Variants in NPTN observed in about 807,000 individuals in gnomAD.
NPTN encodes SDR-1.
A neutral mutation model predicts 42.7 loss-of-function variants in NPTN; 5 were observed. That is an observed-to-expected ratio of 0.12 (90% CI 0.06 to 0.25). The LOEUF is 0.25. Ranked by LOEUF, NPTN falls within the 10% of genes least tolerant of loss-of-function variation. The pLI, the probability that NPTN is intolerant of heterozygous loss-of-function variation, is 1.00. For synonymous variants in NPTN, 180 were observed against 201.9 expected, an observed-to-expected ratio of 0.89 and a Z score of 0.92; for missense variants, 307 against 525.4, an observed-to-expected ratio of 0.58 and a Z score of 4.06.
chr15:73,571,953 A>C (rs1455012479), intron 5 of NPTN, among the ~76,000 whole-genome samples: 3 of 152,176 alleles, frequency 2.0e-5, no homozygotes, highest in African/African-American at 4.8e-5. Flanking sequence ...CTTTGGCAAA[A>C]GCTCAAGGGC....
At chr15:73,603,192 A>C (rs1005412451) in intron 1 of NPTN, among the ~76,000 whole-genome samples, 11 of 152,228 alleles carry the variant, frequency 7.2e-5, no homozygotes, top group Non-Finnish European at 1.6e-4. Flanking sequence ...TATTGTGAGG[A>C]TTATATGAGA....
chr15:73,623,672 G>T (rs1898248999), intron 1 of NPTN, among the ~76,000 whole-genome samples: 1 of 152,192 alleles, frequency 6.6e-6, no homozygotes, highest in African/African-American at 2.4e-5. Context: ...AGGCAACAGA[G>T]TGAGACCCTG....
chr15:73,614,081 G>A lies in NPTN; in HGVS notation c.92-16712C>T, dbSNP rs145504673. On this transcript the variant is annotated intron_variant, in intron 1 of 8. Coordinates refer to ENST00000345330, the MANE Select transcript of NPTN (RefSeq NM_012428.4). ...AATCCCAGAACTTTGGGAGGCTGGC[G>A]CAGGTAGATCACTTGAGCTTAGGAA... Among the ~76,000 whole-genome samples, 701 of 151,822 alleles carry A rather than the reference G, an allele frequency of 4.6e-3. 9 individuals are homozygous for A. Among genetic ancestry groups the A allele is most frequent in the African/African-American group, 0.016 (653 of 41,408 alleles).
chr15:73,589,223 G>A (rs573433153), intron 3 of NPTN, among the ~76,000 whole-genome samples: 7 of 152,088 alleles, frequency 4.6e-5, no homozygotes, highest in East Asian at 1.9e-4. Context: ...CTAGCTACTC[G>A]GGAGGCTACG....
intron 1 of NPTN, among the ~76,000 whole-genome samples, chr15:73,631,999 G>A (rs1163972936): frequency 6.6e-6 from 1 of 152,026 alleles, no homozygotes; most frequent in African/African-American, 2.4e-5. Context: ...ATGTTCCTCG[G>A]AAATAACGTC....
At chr15:73,588,027 G>T (rs183647810) in intron 3 of NPTN, among the ~76,000 whole-genome samples, 1 of 152,256 alleles carries the variant, frequency 6.6e-6, no homozygotes, top group Admixed American at 6.5e-5. Context: ...GGATCACGAG[G>T]TCAGGAGTTC....
chr15:73,624,445 G>A (rs1472853118), intron 1 of NPTN, among the ~76,000 whole-genome samples: 2 of 151,962 alleles, frequency 1.3e-5, no homozygotes, highest in East Asian at 1.9e-4. Flanking sequence ...CCAGTTGTTC[G>A]GCAATGATTC....
chr15:73,593,813 A>T (rs1193146697), intron 2 of NPTN, among the ~76,000 whole-genome samples: 28 of 152,224 alleles, frequency 1.8e-4, no homozygotes. Flanking sequence ...CAGTAACATC[A>T]AACAGGGTCT....
At position 73,605,113 on chromosome 15, in the gene NPTN, A is replaced by G. The variant is rs564861407; in HGVS notation, c.92-7744T>C. On this transcript the variant is annotated intron_variant, in intron 1 of 8. Transcript: ENST00000345330. ...ACCCTGTCTCAAGGGGGGGGGGGGA[A>G]AAGAATGATCTAAACTAGTCCTGAG... 4.6e-4 allele frequency among the ~76,000 whole-genome samples: 61 copies of G among 132,506 alleles called. 1 individual carries two copies. Among genetic ancestry groups the G allele is most frequent in the South Asian group, 6.9e-4 (3 of 4,344 alleles). The allele number at this position is 132,506 out of a possible 152,430, so 86.9% of individuals were successfully genotyped here.
intron 1 of NPTN, among the ~76,000 whole-genome samples, chr15:73,614,394 A>G (rs568313888): frequency 6.9e-4 from 105 of 152,314 alleles, no homozygotes; most frequent in Admixed American, 2.3e-3. Flanking sequence ...CTGAAACCTC[A>G]GTTCCCTTGT....
In NPTN at chr15:73,560,032, T is replaced by C. The variant is rs1468092455; in HGVS notation, c.*1031A>G. On this transcript the variant is annotated 3_prime_UTR_variant, in exon 9 of 9. Transcript: ENST00000345330. ...ATCCAAACACCTTTTATCAATGTTT[T>C]ATTTTTAAAAACAGGTGAATCCACT... The C allele has an allele frequency of 9.7e-7, 1 of 1,029,708 alleles. No individual in the cohort carries two copies. The highest frequency in any genetic ancestry group is 1.4e-6 in the Non-Finnish European group (1 of 739,170). The allele number at this position is 1,029,708 out of a possible 1,614,324, so 63.8% of individuals were successfully genotyped here.
chr15:73,623,866 T>C (rs1297558375), intron 1 of NPTN, among the ~76,000 whole-genome samples: 1 of 152,242 alleles, frequency 6.6e-6, no homozygotes, highest in Non-Finnish European at 1.5e-5. Context: ...ATAATGGTTC[T>C]GACGATGAGT....
chr15:73,609,176 C>T (rs1418027202), intron 1 of NPTN, among the ~76,000 whole-genome samples: 1 of 152,188 alleles, frequency 6.6e-6, no homozygotes, highest in African/African-American at 2.4e-5. Flanking sequence ...CATATCTAGA[C>T]AACACTTTTA....
intron 3 of NPTN, among the ~76,000 whole-genome samples, chr15:73,590,817 GA>G (rs1360272429): frequency 2.6e-5 from 4 of 151,456 alleles, no homozygotes; most frequent in African/African-American, 4.8e-5. Context: ...GACAGAACAA[GA>G]AAAAAATGCT....
intron 6 of NPTN, chr15:73,568,993 T>G: frequency 1.0e-6 from 1 of 985,492 alleles, no homozygotes. Flanking sequence ...AGATGTCACT[T>G]TGTATTCTCC....
At chr15:73,613,693 C>CTT (rs978296328) in intron 1 of NPTN, among the ~76,000 whole-genome samples, 4 of 149,410 alleles carry the variant, frequency 2.7e-5, no homozygotes, top group African/African-American at 9.8e-5. Context: ...CTGGACATAT[C>CTT]TTTTTTTTTT....
Position 73,611,749 on chromosome 15 carries a change from G to A in NPTN, c.92-14380C>T, listed in dbSNP as rs114973151. ...AACCCTAAACTCAAAGTCCTAAACT[G>A]TGATCTTTGAGTGATGATGTGTCAG... is the stretch of plus-strand genomic sequence containing the variant. On this transcript the variant is annotated intron_variant, in intron 1 of 8. Transcript: ENST00000345330. Among the ~76,000 whole-genome samples the A allele has an allele frequency of 5.8e-3, 886 of 152,240 alleles. 6 individuals are homozygous for A. The highest frequency in any genetic ancestry group is 0.02 in the African/African-American group (844 of 41,544).
At chr15:73,593,657 G>GT (rs368397661) in intron 2 of NPTN, among the ~76,000 whole-genome samples, 6 of 152,342 alleles carry the variant, frequency 3.9e-5, no homozygotes, top group African/African-American at 1.4e-4. Flanking sequence ...CCTAACCGAT[G>GT]TAACATTTCT....
chr15:73,609,749 T>C (rs1472866356), intron 1 of NPTN, among the ~76,000 whole-genome samples: 1 of 152,214 alleles, frequency 6.6e-6, no homozygotes, highest in African/African-American at 2.4e-5. Context: ...TACTTTTTTA[T>C]ATGACACATA....
Sources: allele counts gnomAD v4.1 joint callset (sites outside exome capture counted in the v4.1 genomes callset), GRCh38; gene constraint gnomAD v4.1.1; transcripts MANE v1.5; gene names NCBI Gene and HGNC (gene_info 2026-07-23, HGNC 2026-07-21).